The following SGK3 variants were observed in gnomAD, a reference collection of about 807,000 sequenced individuals.
SGK3 encodes the protein serine/threonine-protein kinase Sgk3.
Under a neutral mutation model 68.5 loss-of-function variants are expected in SGK3, and 47 were observed. The ratio of observed to expected loss-of-function variants is 0.69; its 90% CI spans 0.54 to 0.87. SGK3 has a LOEUF of 0.87. Ranked by LOEUF, SGK3 falls within the 40% of genes least tolerant of loss-of-function variation. The pLI is 0.00. For synonymous variants in SGK3, 181 were observed against 189.1 expected (o/e 0.96, Z 0.35); for missense variants, 479 against 575.5 (o/e 0.83, Z 1.72).
intron 3 of SGK3, among the ~76,000 whole-genome samples, chr8:66,801,347 A>G (rs1807938030): frequency 6.6e-6 from 1 of 152,132 alleles, no homozygotes; most frequent in Non-Finnish European, 1.5e-5. Flanking sequence ...GGATATTGAG[A>G]TAGGTTTTTT....
At chr8:66,806,023 A>G (rs1292431199) in intron 4 of SGK3, among the ~76,000 whole-genome samples, 2 of 152,044 alleles carry the variant, frequency 1.3e-5, no homozygotes, top group Admixed American at 6.6e-5. Context: ...CACCTTTTTC[A>G]TATTTCTTCT....
chr8:66,793,265 TG>T (rs1284760527), intron 1 of SGK3, among the ~76,000 whole-genome samples: 2 of 152,338 alleles, frequency 1.3e-5, no homozygotes. Context: ...GATTGTAATC[TG>T]AATTGTTCAG....
chr8:66,843,090 T>G (rs1335275787), intron 13 of SGK3, among the ~76,000 whole-genome samples: 1 of 151,984 alleles, frequency 6.6e-6, no homozygotes, highest in Non-Finnish European at 1.5e-5. Context: ...AAAAAATTAT[T>G]TAAGGGGAAA....
In SGK3 at chr8:66,801,839, C is replaced by T. The variant is rs549167408; in HGVS notation, c.181-2536C>T. Among the ~76,000 whole-genome samples, 3 of 152,088 alleles carry T rather than the reference C, an allele frequency of 2.0e-5. No homozygotes were observed. In the South Asian group the frequency reaches 6.2e-4, roughly 32 times the overall value. ...TCTAAAAACTCAGCACTGTGGAGAT[C>T]CACACCGGTAGTGTGTGTTCATGAT... is the stretch of plus-strand genomic sequence containing the variant. On this transcript the variant is annotated intron_variant, in intron 3 of 16. Coordinates refer to ENST00000521198, the MANE Select transcript of SGK3 (RefSeq NM_001033578.3).
intron 1 of SGK3, among the ~76,000 whole-genome samples, chr8:66,792,891 G>A (rs574483296): frequency 2.0e-4 from 31 of 152,104 alleles, no homozygotes; most frequent in Non-Finnish European, 4.1e-4. Flanking sequence ...TCTAGCCTGG[G>A]CAACATAGCA....
In SGK3 at chr8:66,843,319, A is replaced by G. The variant is rs78802545; in HGVS notation, c.979-133A>G. On this transcript the variant is annotated intron_variant, in intron 13 of 16. Transcript: ENST00000521198. ...CACTGGTGTAGAATGAGAATATCCA[A>G]CCCACTGGAAATCTAGATAATTTGG... The G allele has an allele frequency of 6.5e-3, 4,822 of 745,908 alleles. 174 individuals carry two copies. The African/African-American group carries it at 0.075, about 12-fold the overall frequency. 46.2% of individuals were successfully genotyped at this position (745,908 alleles called of 1,614,324 possible). A position where few individuals can be genotyped will look rare whatever the true frequency, so the allele number is the denominator to read the frequency against.
intron 1 of SGK3, among the ~76,000 whole-genome samples, chr8:66,784,556 G>C (rs1807122452): frequency 6.6e-6 from 1 of 151,894 alleles, no homozygotes; most frequent in African/African-American, 2.4e-5. Flanking sequence ...ATTTTTTAGA[G>C]GTAAAAGCAG....
At chr8:66,799,042 C>T (rs1807818298) in intron 3 of SGK3, among the ~76,000 whole-genome samples, 1 of 152,244 alleles carries the variant, frequency 6.6e-6, no homozygotes, top group Middle Eastern at 3.4e-3. Context: ...GTCTTAGGTT[C>T]CAGATTTTAA....
intron 1 of SGK3, among the ~76,000 whole-genome samples, chr8:66,773,189 G>T (rs7017471): frequency 0.12 from 18,901 of 152,172 alleles, 2,170 homozygotes; most frequent in African/African-American, 0.3. Context: ...GAGTACACAA[G>T]AGAGTGAGTT....
At chr8:66,755,402 C>T (rs1805946503) in intron 1 of SGK3, among the ~76,000 whole-genome samples, 1 of 152,162 alleles carries the variant, frequency 6.6e-6, no homozygotes, top group African/African-American at 2.4e-5. Flanking sequence ...CTGTGTTGTG[C>T]ACCTGCGTTT....
At chr8:66,751,269 A>G (rs1376740364) in intron 1 of SGK3, among the ~76,000 whole-genome samples, 2 of 152,210 alleles carry the variant, frequency 1.3e-5, no homozygotes, top group Non-Finnish European at 2.9e-5. Context: ...CTTTTCGGAT[A>G]TTAAGAAAAT....
At position 66,804,440 on chromosome 8, in the gene SGK3, T is replaced by A. The variant is rs1211762666; in HGVS notation, c.246T>A (p.Phe82Leu). Residue 82 changes from phenylalanine to leucine, a missense_variant, in exon 4 of 17, where the codon TTT (phenylalanine) becomes TTA (leucine). Physicochemically the swap from Phe to Leu is conservative, Grantham distance 22 (BLOSUM62 0). Around this residue, in one of 3 missense-constraint regions of SGK3, gnomAD observed 298 missense variants for 329.4 expected, o/e 0.90. Coordinates refer to ENST00000521198, the MANE Select transcript of SGK3 (RefSeq NM_001033578.3). The stretch of plus-strand genomic sequence containing the variant: ...CCAAGAGAATATTTGGTGATAATTT[T>A]GATCCAGGTAAGAAACAACTTCATA... Reference protein sequence around the residue: ...IPAKRIFGDNFDPDFIKQRRA... With the variant: ...IPAKRIFGDNLDPDFIKQRRA... 1 of 1,612,584 alleles carries A rather than the reference T, an allele frequency of 6.2e-7. No homozygotes were observed. Among genetic ancestry groups the A allele is most frequent in the Non-Finnish European group, 8.5e-7 (1 of 1,179,458 alleles).
At chr8:66,749,803 G>A (rs1158195242) in intron 1 of SGK3, among the ~76,000 whole-genome samples, 2 of 152,024 alleles carry the variant, frequency 1.3e-5, no homozygotes, top group Non-Finnish European at 2.9e-5. Context: ...ATAAAGATAT[G>A]AGACATGGTT....
chr8:66,815,970 C>T (rs984633983), intron 5 of SGK3, among the ~76,000 whole-genome samples: 3 of 152,048 alleles, frequency 2.0e-5, no homozygotes, highest in African/African-American at 4.8e-5. Context: ...AAGATATTTC[C>T]AGCACCCCAA....
intron 5 of SGK3, among the ~76,000 whole-genome samples, chr8:66,818,337 G>A (rs1808679056): frequency 6.6e-6 from 1 of 152,122 alleles, no homozygotes. Context: ...ACACAGAAAT[G>A]GCTTACTGTC....
chr8:66,796,614 A>T (rs575763241), intron 2 of SGK3, among the ~76,000 whole-genome samples: 1 of 151,868 alleles, frequency 6.6e-6, no homozygotes, highest in South Asian at 2.1e-4. Flanking sequence ...ATATTTTTAT[A>T]CTCTAGTTTT....
chr8:66,801,328 T>A (rs1807937031), intron 3 of SGK3, among the ~76,000 whole-genome samples: 1 of 152,178 alleles, frequency 6.6e-6, no homozygotes, highest in Non-Finnish European at 1.5e-5. Context: ...AGATATTTGC[T>A]TAATCAAAGG....
intron 1 of SGK3, among the ~76,000 whole-genome samples, chr8:66,727,226 G>A (rs774964803): frequency 2.0e-5 from 3 of 151,840 alleles, no homozygotes; most frequent in African/African-American, 4.8e-5. Flanking sequence ...CTAAGCCTCC[G>A]GAGTAGCTGG....
At chr8:66,829,786 C>T (rs1332896889) in intron 7 of SGK3, among the ~76,000 whole-genome samples, 4 of 151,648 alleles carry the variant, frequency 2.6e-5, no homozygotes, top group Non-Finnish European at 5.9e-5. Context: ...CAAATAAATA[C>T]GATGCTAACT....
Sources: gnomAD v4.1 joint callset for allele counts (sites outside exome capture counted in the v4.1 genomes callset) on GRCh38, gnomAD v4.1.1 for gene constraint, gnomAD v4.1.1 regional missense constraint, MANE v1.5 for transcripts, NCBI Gene and HGNC (gene_info 2026-07-23, HGNC 2026-07-21) for gene names.